KCNMA1: variants seen among roughly 807,000 people sequenced by gnomAD.
KCNMA1 encodes the protein Calcium-activated potassium channel subunit alpha-1.
KCNMA1 carries 29 observed loss-of-function variants against 140.0 expected under a neutral mutation model. The ratio of observed to expected loss-of-function variants is 0.21; its 90% confidence interval spans 0.15 to 0.28. KCNMA1 has a LOEUF of 0.28. Among genes scored for constraint, KCNMA1 ranks in the 10% least tolerant of loss-of-function variants. KCNMA1 has a pLI of 1.00. For missense variants in KCNMA1, 880 were observed against 1,602.2 expected, an observed-to-expected ratio of 0.55 and a Z score of 7.70; for synonymous variants, 612 against 611.9, an observed-to-expected ratio of 1.00 and a Z score of 0.00.
At chr10:77,507,733 A>G (rs1376893796) in intron 1 of KCNMA1, among the ~76,000 whole-genome samples, 2 of 152,238 alleles carry the variant, frequency 1.3e-5, no homozygotes, top group Non-Finnish European at 2.9e-5. Flanking sequence ...AAGCTAACAG[A>G]AAAGCCACTT....
chr10:77,039,883 C>CTTTTT lies in KCNMA1; in HGVS notation c.1750-251_1750-247dup, dbSNP rs34943268. Among the ~76,000 whole-genome samples, 169 of 78,968 alleles carry CTTTTT rather than the reference C, an allele frequency of 2.1e-3. 2 individuals carry two copies. Among genetic ancestry groups the CTTTTT allele is most frequent in the Non-Finnish European group, 2.4e-3 (110 of 45,732 alleles). The allele number at this position is 78,968 out of a possible 152,430, so 51.8% of individuals were successfully genotyped here. A position where few individuals can be genotyped will look rare whatever the true frequency, so the allele number is the denominator to read the frequency against. ...TCTTTCCTTTTTCTTTTTTCTTTTT[C>CTTTTT]TTTTTTTTTTTTTTTTTTTTTTTGA... On this transcript the variant is annotated intron_variant, in intron 14 of 27. Coordinates refer to ENST00000286628, the MANE Select transcript of KCNMA1 (RefSeq NM_001161352.2).
intron 19 of KCNMA1, chr10:76,973,188 G>A (rs560446459): frequency 6.6e-6 from 1 of 152,240 alleles, no homozygotes; most frequent in South Asian, 2.1e-4. Context: ...TGCTGCGGAA[G>A]CCACATGAAG....
At chr10:77,370,448 AG>A (rs1161413728) in intron 2 of KCNMA1, among the ~76,000 whole-genome samples, 3 of 152,220 alleles carry the variant, frequency 2.0e-5, no homozygotes, top group Non-Finnish European at 4.4e-5. Context: ...CTTTTCTTGC[AG>A]GGCTGTCAAG....
intron 3 of KCNMA1, among the ~76,000 whole-genome samples, chr10:77,225,435 C>T (rs1447965016): frequency 1.8e-4 from 28 of 152,094 alleles, no homozygotes; most frequent in Admixed American, 1.8e-3. Flanking sequence ...CAGGGGACTC[C>T]CCCTGGCCAG....
intron 14 of KCNMA1, among the ~76,000 whole-genome samples, chr10:77,039,863 CCTTTTTCTTTTTT>C (rs1340025049): frequency 1.5e-4 from 22 of 143,210 alleles, no homozygotes; most frequent in African/African-American, 5.7e-4. Context: ...TGATTTCTTT[CCTTTTTCTTTTTT>C]CTTTTTCTTT....
chr10:77,359,560 C>CA, intron 2 of KCNMA1, among the ~76,000 whole-genome samples: 1 of 152,270 alleles, frequency 6.6e-6, no homozygotes, highest in African/African-American at 2.4e-5. Flanking sequence ...CCTAAAAAAG[C>CA]ATGTTCTCAT....
intron 20 of KCNMA1, among the ~76,000 whole-genome samples, chr10:76,958,818 C>T (rs1452545760): frequency 2.6e-5 from 4 of 152,164 alleles, no homozygotes; most frequent in African/African-American, 9.7e-5. Flanking sequence ...CTGTGAGAAG[C>T]TCTGTTGTTT....
chr10:76,870,787 C>T (rs563976325), exon 28 of KCNMA1: 6 of 152,322 alleles, frequency 3.9e-5, no homozygotes, highest in East Asian at 1.9e-4. Flanking sequence ...ACATAGTGGC[C>T]GAGTGACTGC....
chr10:77,156,031 T>C (rs1183135237), intron 5 of KCNMA1, among the ~76,000 whole-genome samples: 1 of 151,908 alleles, frequency 6.6e-6, no homozygotes, highest in Non-Finnish European at 1.5e-5. Context: ...ATCGAGACCA[T>C]CCTGGCTAAC....
At chr10:77,439,512 C>T (rs2097349345) in intron 1 of KCNMA1, among the ~76,000 whole-genome samples, 1 of 152,178 alleles carries the variant, frequency 6.6e-6, no homozygotes, top group South Asian at 2.1e-4. Context: ...TCACAACACA[C>T]ATCCCAACCA....
chr10:77,598,329 C>T (rs980835337), intron 1 of KCNMA1, among the ~76,000 whole-genome samples: 2 of 152,214 alleles, frequency 1.3e-5, no homozygotes, highest in Non-Finnish European at 2.9e-5. Context: ...GGGTTTTTCC[C>T]TGTCTTGTTC....
At chr10:77,174,758 C>T (rs1486596887) in intron 5 of KCNMA1, among the ~76,000 whole-genome samples, 1 of 151,422 alleles carries the variant, frequency 6.6e-6, no homozygotes, top group Non-Finnish European at 1.5e-5. Flanking sequence ...GCATAGGCTT[C>T]CTAAATCAGA....
At chr10:77,619,704 G>C (rs939718431) in intron 1 of KCNMA1, among the ~76,000 whole-genome samples, 1 of 152,186 alleles carries the variant, frequency 6.6e-6, no homozygotes, top group Non-Finnish European at 1.5e-5. Flanking sequence ...TGTCCACAAG[G>C]AGCTGTCTGC....
chr10:76,932,133 G>T (rs2059437138), intron 23 of KCNMA1, among the ~76,000 whole-genome samples: 1 of 152,066 alleles, frequency 6.6e-6, no homozygotes, highest in African/African-American at 2.4e-5. Context: ...AATCTAAGTG[G>T]GTACCACTCA....
intron 1 of KCNMA1, among the ~76,000 whole-genome samples, chr10:77,478,137 G>A (rs582273): frequency 0.85 from 128,984 of 152,210 alleles, 55,032 homozygotes; most frequent in East Asian, 0.96. Context: ...ATGAATTCTT[G>A]CCATTTTTCT....
intron 3 of KCNMA1, among the ~76,000 whole-genome samples, chr10:77,200,008 T>C (rs977982968): frequency 6.6e-6 from 1 of 152,158 alleles, no homozygotes; most frequent in African/African-American, 2.4e-5. Flanking sequence ...TGGAGTGCAG[T>C]GGTGCGATCT....
At chr10:77,172,753 C>T (rs922364133) in intron 5 of KCNMA1, among the ~76,000 whole-genome samples, 3 of 151,152 alleles carry the variant, frequency 2.0e-5, no homozygotes, top group African/African-American at 2.4e-5. Context: ...AGTCTATATG[C>T]GCTAACAAAA....
At chr10:77,629,679 A>G (rs1196709840) in intron 1 of KCNMA1, among the ~76,000 whole-genome samples, 1 of 152,184 alleles carries the variant, frequency 6.6e-6, no homozygotes, top group African/African-American at 2.4e-5. Context: ...CAGCCTGTCA[A>G]GTACTAATAA....
intron 19 of KCNMA1, among the ~76,000 whole-genome samples, chr10:76,973,745 T>G (rs987144112): frequency 6.6e-6 from 1 of 152,294 alleles, no homozygotes; most frequent in South Asian, 2.1e-4. Context: ...TCAAAATGAT[T>G]ACATATTTCA....
Sources: allele counts gnomAD v4.1 joint callset (sites outside exome capture counted in the v4.1 genomes callset), GRCh38; gene constraint gnomAD v4.1.1; transcripts MANE v1.5; gene names NCBI Gene and HGNC (gene_info 2026-07-23, HGNC 2026-07-21).